ABCC11: variants seen among roughly 807,000 people sequenced by gnomAD.
The protein encoded by ABCC11 is ATP-binding cassette sub-family C member 11.
A neutral mutation model predicts 149.3 loss-of-function variants in ABCC11; 135 were observed. The observed-to-expected ratio is 0.90, with a 90% CI of 0.79 to 1.04. ABCC11 has a LOEUF of 1.04. Ranked by LOEUF, ABCC11 falls within the 50% of genes least tolerant of loss-of-function variation. The pLI, the probability that ABCC11 is intolerant of heterozygous loss-of-function variation, is 0.00. For missense variants in ABCC11, 1,680 were observed against 1,722.1 expected (o/e 0.98, Z 0.43); for synonymous variants, 665 against 671.4 (o/e 0.99, Z 0.15).
rs774974482 is a variant in ABCC11, at chr16:48,198,162, C to T, written c.2196G>A (p.Lys732=). ...KKGKYAQLIQ[K]MHKEATSDML... ...TCACCGAAGTGGCTTCCTTGTGCAT[C>T]TTCTGGATAAGTTGGGCATATTTCC... The change falls in exon 16 of 30, where the codon AAG becomes AAA. Residue 732 remains lysine, a synonymous_variant. Transcript: ENST00000356608. The T allele has an allele frequency of 5.0e-6, 8 of 1,614,076 alleles. No homozygotes were observed. The highest frequency in any genetic ancestry group is 2.2e-5 in the South Asian group (2 of 91,086).
intron 6 of ABCC11, among the ~76,000 whole-genome samples, chr16:48,220,666 G>A (rs1969674550): frequency 6.6e-6 from 1 of 152,212 alleles, no homozygotes; most frequent in Non-Finnish European, 1.5e-5. Context: ...CAGCTTCAGA[G>A]AGGCTGAACA....
At chr16:48,205,345 T>C in intron 13 of ABCC11, 68 bp downstream of exon 13, 1 of 1,596,530 alleles carries the variant, frequency 6.3e-7, no homozygotes, top group East Asian at 2.3e-5. Context: ...GGTTACCGTT[T>C]GAAGCTGGAG....
intron 20 of ABCC11, among the ~76,000 whole-genome samples, chr16:48,191,865 A>G (rs1966952662): frequency 6.6e-6 from 1 of 152,114 alleles, no homozygotes; most frequent in Non-Finnish European, 1.5e-5. Context: ...GCATTAGGAG[A>G]TATACCTAAT....
intron 11 of ABCC11, chr16:48,210,710 T>C: frequency 1.8e-6 from 1 of 557,816 alleles, no homozygotes; most frequent in Non-Finnish European, 3.2e-6. Flanking sequence ...CACACAGTAC[T>C]CTCATATTAT....
chr16:48,179,257 T>G (rs1966277738), intron 23 of ABCC11, among the ~76,000 whole-genome samples: 1 of 152,174 alleles, frequency 6.6e-6, no homozygotes, highest in Non-Finnish European at 1.5e-5. Flanking sequence ...TGGGAGCACT[T>G]CCCAAATAAG....
rs561427826 is a variant in ABCC11 at position 48,200,267 on chromosome 16, G to C, written c.2082+9C>G. 2.5e-6 allele frequency: 4 copies of C among 1,612,944 alleles called. No homozygotes were observed. In the South Asian group the frequency reaches 3.3e-5, roughly 13 times the overall value. ...TCAATCACAGTCAGAGCCCTGGAAGGGTGCTAACCTGCAGCTGGTGGGTCA... is the reference window on the plus strand; with the variant it reads ...TCAATCACAGTCAGAGCCCTGGAAGCGTGCTAACCTGCAGCTGGTGGGTCA... On this transcript the variant is annotated intron_variant, in intron 15 of 29. Transcript: ENST00000356608.
intron 23 of ABCC11, among the ~76,000 whole-genome samples, chr16:48,182,212 C>T (rs138312414): frequency 5.4e-4 from 83 of 152,320 alleles, no homozygotes; most frequent in African/African-American, 1.9e-3. Flanking sequence ...ACATGCACTC[C>T]AGTACATACA....
intron 1 of ABCC11, 67 bp from the exon 2 acceptor site, chr16:48,232,006 T>C: frequency 6.3e-7 from 1 of 1,598,454 alleles, no homozygotes; most frequent in South Asian, 1.1e-5. Context: ...GATCTCGCCT[T>C]GAGCAGCCAG....
At position 48,203,208 on chromosome 16, in the gene ABCC11, C is replaced by T. The variant is rs374355476; in HGVS notation, c.1878+20G>A. On this transcript the variant is annotated intron_variant, in intron 14 of 29. Coordinates refer to ENST00000356608, the MANE Select transcript of ABCC11 (RefSeq NM_001370497.1). ...GAGCACCAACATTACACAGAGAAGG[C>T]AGGCTCGCCTCCCTCTCACCTCTGT... The T allele has an allele frequency of 1.9e-6, 3 of 1,554,280 alleles. No individual in the cohort carries two copies. Among genetic ancestry groups the T allele is most frequent in the Non-Finnish European group, 8.7e-7 (1 of 1,145,986 alleles).
At chr16:48,238,323 C>T (rs1209514117) in intron 1 of ABCC11, among the ~76,000 whole-genome samples, 1 of 152,188 alleles carries the variant, frequency 6.6e-6, no homozygotes. Flanking sequence ...TCTGCCCTAC[C>T]TCATACTCAG....
intron 14 of ABCC11, 32 bp from the exon 15 acceptor site, chr16:48,200,511 A>G (rs767073956): frequency 1.2e-6 from 2 of 1,607,228 alleles, no homozygotes; most frequent in Middle Eastern, 3.3e-4. Context: ...CACCATGTCC[A>G]GACAGCAAGC....
At chr16:48,202,616 C>T (rs1189271959) in intron 14 of ABCC11, among the ~76,000 whole-genome samples, 1 of 120,410 alleles carries the variant, frequency 8.3e-6, no homozygotes, top group Admixed American at 8.6e-5. Context: ...GACTCCCCTT[C>T]AAAAAAAAAA....
intron 20 of ABCC11, among the ~76,000 whole-genome samples, chr16:48,190,056 A>G (rs529691541): frequency 3.9e-5 from 6 of 152,278 alleles, no homozygotes; most frequent in Admixed American, 1.3e-4. Context: ...GAAGTCCCCA[A>G]GAAGGCTTTC....
At chr16:48,180,022 G>A (rs909215852) in intron 23 of ABCC11, among the ~76,000 whole-genome samples, 3 of 152,224 alleles carry the variant, frequency 2.0e-5, no homozygotes, top group Admixed American at 2.0e-4. Context: ...GGGCGGGTTG[G>A]AAGACCACTT....
At chr16:48,186,829 T>C in intron 22 of ABCC11, 124 bp downstream of exon 22, 2 of 1,222,984 alleles carry the variant, frequency 1.6e-6, no homozygotes, top group Non-Finnish European at 2.3e-6. Flanking sequence ...GAGAAATACG[T>C]CCATCGAACA....
chr16:48,220,364 C>T (rs1187703253), intron 6 of ABCC11, among the ~76,000 whole-genome samples: 1 of 152,196 alleles, frequency 6.6e-6, no homozygotes, highest in South Asian at 2.1e-4. Flanking sequence ...AACTGCCACA[C>T]AAGAGGGATG....
intron 12 of ABCC11, 57 bp downstream of exon 12, chr16:48,208,368 C>A: frequency 6.2e-7 from 1 of 1,607,050 alleles, no homozygotes; most frequent in South Asian, 1.1e-5. Flanking sequence ...GGCACTGGAG[C>A]TTGGGAGGGC....
chr16:48,192,367 C>A (rs1446426003), intron 20 of ABCC11, among the ~76,000 whole-genome samples, 153 bp downstream of exon 20: 3 of 152,160 alleles, frequency 2.0e-5, no homozygotes, highest in Non-Finnish European at 4.4e-5. Context: ...TCACTTCAGC[C>A]TGGAAGGTGG....
chr16:48,175,755 G>A (rs987733566), intron 25 of ABCC11, among the ~76,000 whole-genome samples: 2 of 152,158 alleles, frequency 1.3e-5, no homozygotes, highest in Admixed American at 6.6e-5. Flanking sequence ...CAAATTGCAT[G>A]TTTCTCTTGA....
Sources: allele counts gnomAD v4.1 joint callset (sites outside exome capture counted in the v4.1 genomes callset), GRCh38; gene constraint gnomAD v4.1.1; transcripts MANE v1.5; gene names NCBI Gene and HGNC (gene_info 2026-07-23, HGNC 2026-07-21).